KDM5A: variants seen among roughly 807,000 people sequenced by gnomAD.
KDM5A encodes the protein lysine demethylase 5A, also known as lysine-specific demethylase 5A.
In KDM5A, 42 loss-of-function variants were observed where a neutral mutation model predicts 193.5. The ratio of observed to expected loss-of-function variants is 0.22; its 90% CI spans 0.17 to 0.28. The LOEUF (loss-of-function observed/expected upper bound fraction) is 0.28, where lower values mean the gene tolerates loss of function less well. Among genes scored for constraint, KDM5A ranks in the 10% least tolerant of loss-of-function variants. The pLI, the probability that KDM5A is intolerant of heterozygous loss-of-function variation, is 1.00. For synonymous variants in KDM5A, 796 were observed against 718.1 expected (o/e 1.11, Z -1.73); for missense variants, 1,692 against 2,055.1 (o/e 0.82, Z 3.42).
chr12:323,457 G>A (rs1943746275), intron 15 of KDM5A, 143 bp downstream of exon 15: 2 of 941,572 alleles, frequency 2.1e-6, no homozygotes, highest in Non-Finnish European at 1.6e-6. Context: ...CCAACTTTAA[G>A]GGACTGGTCT....
chr12:287,126 C>T (rs1208062721), intron 27 of KDM5A, among the ~76,000 whole-genome samples: 1 of 152,196 alleles, frequency 6.6e-6, no homozygotes, highest in Non-Finnish European at 1.5e-5. Flanking sequence ...TTACCCTACA[C>T]TACACAAAAC....
rs139908977 is a variant in KDM5A, at chr12:334,496, T to G, written c.1309-74A>C. 5.6e-5 allele frequency: 72 copies of G among 1,279,730 alleles called. No individual in the cohort carries two copies. The African/African-American group carries it at 9.7e-4, about 17-fold the overall frequency. 79.3% of individuals were successfully genotyped at this position (1,279,730 alleles called of 1,614,324 possible). A position where few individuals can be genotyped will look rare whatever the true frequency, so the allele number is the denominator to read the frequency against. ...CTCAATAGAAATGCCAAGGGAGTCT[T>G]CCCAGAAAATTTTTTTATAATATTT... is the stretch of plus-strand genomic sequence containing the variant. On this transcript the variant is annotated intron_variant, in intron 10 of 27. Transcript: ENST00000399788.
At chr12:318,065 C>CT in intron 19 of KDM5A, 41 bp downstream of exon 19, 2 of 1,406,516 alleles carry the variant, frequency 1.4e-6, no homozygotes, top group Non-Finnish European at 2.0e-6. Context: ...TACCTTCTGA[C>CT]TTAGTTGTTA....
intron 5 of KDM5A, among the ~76,000 whole-genome samples, chr12:359,991 T>G (rs1442856537): frequency 6.6e-6 from 1 of 151,684 alleles, no homozygotes; most frequent in African/African-American, 2.4e-5. Flanking sequence ...AAGGATAGAT[T>G]TGGGCCGGGT....
intron 17 of KDM5A, 28 bp downstream of exon 17, chr12:322,389 T>C (rs781003499): frequency 1.6e-5 from 25 of 1,605,194 alleles, no homozygotes; most frequent in Non-Finnish European, 2.0e-5. Flanking sequence ...AGGAAAACAC[T>C]GGAGAATTAA....
chr12:362,336 G>A (rs552609166), intron 5 of KDM5A, among the ~76,000 whole-genome samples: 1 of 152,054 alleles, frequency 6.6e-6, no homozygotes, highest in Non-Finnish European at 1.5e-5. Flanking sequence ...ACAGGGGAAG[G>A]GGGGAATCAG....
chr12:294,574 C>A (rs978014333), intron 26 of KDM5A, among the ~76,000 whole-genome samples: 3 of 152,148 alleles, frequency 2.0e-5, no homozygotes, highest in Non-Finnish European at 4.4e-5. Context: ...GACTGGAAAA[C>A]ACTATCTAAA....
chr12:301,802 A>G (rs948121369), intron 24 of KDM5A, among the ~76,000 whole-genome samples: 7 of 149,290 alleles, frequency 4.7e-5, no homozygotes, highest in Non-Finnish European at 8.9e-5. Flanking sequence ...AATCTCCTTA[A>G]GCTGATAAGC....
intron 10 of KDM5A, among the ~76,000 whole-genome samples, chr12:350,027 T>C (rs7961763): frequency 1 from 151,391 of 152,104 alleles, 75,341 homozygotes; most frequent in East Asian, 1. Flanking sequence ...ACTTGGGAGG[T>C]TGAGGCAGGG....
chr12:331,665 A>G (rs1943868225), intron 13 of KDM5A, among the ~76,000 whole-genome samples, 154 bp downstream of exon 13: 1 of 152,250 alleles, frequency 6.6e-6, no homozygotes, highest in Admixed American at 6.5e-5. Flanking sequence ...ATGGAAATCT[A>G]CTTAGCTTTC....
intron 3 of KDM5A, among the ~76,000 whole-genome samples, chr12:376,168 G>GC (rs1944501507): frequency 6.6e-6 from 1 of 152,176 alleles, no homozygotes; most frequent in Non-Finnish European, 1.5e-5. Flanking sequence ...GCCATGCCCT[G>GC]CCCCCAGAGG....
intron 19 of KDM5A, among the ~76,000 whole-genome samples, chr12:315,283 A>G (rs1180839048): frequency 6.6e-6 from 1 of 152,168 alleles, no homozygotes; most frequent in Non-Finnish European, 1.5e-5. Flanking sequence ...TTCAAGAATG[A>G]GGGTAAAAGG....
chr12:295,318 GA>G lies in KDM5A; in HGVS notation c.4455+254del, dbSNP rs766293883. Among the ~76,000 whole-genome samples the G allele has an allele frequency of 1.5e-4, 22 of 149,972 alleles. No individual in the cohort carries two copies. The East Asian group carries it at 1.6e-3, about 11-fold the overall frequency. ...AAGAAAAAGAAAGGAAAGGAGAAAA[GA>G]AAGAAAAAGAAAAAGAGAAAGAGAG... On this transcript the variant is annotated intron_variant, in intron 26 of 27. Transcript: ENST00000399788.
rs1321446300 is a variant in KDM5A, at chr12:281,392, C to G, written c.*4064G>C. On this transcript the variant is annotated 3_prime_UTR_variant, in exon 28 of 28. Transcript: ENST00000399788. Reference sequence around the variant, plus strand: ...CATCATATCCTTGCCCAGTGCACATCATTTGTTGCATAGTGGTGACTGGAT... The same window carrying G: ...CATCATATCCTTGCCCAGTGCACATGATTTGTTGCATAGTGGTGACTGGAT... The G allele has an allele frequency of 1.3e-5, 3 of 233,186 alleles. No homozygotes were observed. Among genetic ancestry groups the G allele is most frequent in the East Asian group, 6.0e-5 (1 of 16,566 alleles). 14.4% of individuals were successfully genotyped at this position (233,186 alleles called of 1,614,324 possible).
At chr12:342,089 C>T (rs571790845) in intron 10 of KDM5A, among the ~76,000 whole-genome samples, 282 of 152,290 alleles carry the variant, frequency 1.9e-3, no homozygotes, top group Non-Finnish European at 3.1e-3. Context: ...ACAAGAGACA[C>T]ACTTCAGATT....
At chr12:289,903 C>CTTTTTTTTTTTT (rs1943269398) in intron 27 of KDM5A, among the ~76,000 whole-genome samples, 1 of 106,740 alleles carries the variant, frequency 9.4e-6, no homozygotes, top group African/African-American at 4.0e-5. Context: ...TTTTTTCTTT[C>CTTTTTTTTTTTT]TTTCTTTTTT....
intron 5 of KDM5A, among the ~76,000 whole-genome samples, chr12:358,403 T>C (rs1191203992): frequency 6.6e-6 from 1 of 152,240 alleles, no homozygotes. Flanking sequence ...CTGATTTGGT[T>C]ACACTAACCA....
At position 333,489 on chromosome 12, in the gene KDM5A, G is replaced by A. The variant is rs2137424794; in HGVS notation, c.1651C>T (p.Pro551Ser). The part of the protein sequence containing the change: ...NPNVLMEHGV[P>S]VYRTNQCAGE... Reference sequence around the variant, plus strand: ...AAGGAAGACACCAAAAGACTCACAGGCACACCATGCTCCATTAGCACGTTG... The same window carrying A: ...AAGGAAGACACCAAAAGACTCACAGACACACCATGCTCCATTAGCACGTTG... The change falls in exon 12 of 28, where the codon CCT (proline) becomes TCT (serine). Residue 551 changes from proline (P) to serine (S), a missense_variant and splice_region_variant. Pro to Ser is a moderately conservative substitution (Grantham distance 74). Transcript: ENST00000399788. 6.2e-7 allele frequency: 1 copy of A among 1,613,944 alleles called. No homozygotes were observed. Among genetic ancestry groups the A allele is most frequent in the South Asian group, 1.1e-5 (1 of 91,072 alleles).
At chr12:343,556 C>T (rs749989604) in intron 10 of KDM5A, among the ~76,000 whole-genome samples, 3 of 152,148 alleles carry the variant, frequency 2.0e-5, no homozygotes, top group Non-Finnish European at 1.5e-5. Flanking sequence ...GACGAAGCTT[C>T]CACAGGAAGC....
Sources: gnomAD v4.1 joint callset for allele counts (sites outside exome capture counted in the v4.1 genomes callset) on GRCh38, gnomAD v4.1.1 for gene constraint, MANE v1.5 for transcripts, NCBI Gene and HGNC (gene_info 2026-07-23, HGNC 2026-07-21) for gene names.